The following UBL3 variants were observed in gnomAD, a reference collection of about 807,000 sequenced individuals.
The protein encoded by UBL3 is ubiquitin like 3, also known as ubiquitin-like protein 3.
Under a neutral mutation model 18.4 loss-of-function variants are expected in UBL3, and 6 were observed. That is an observed-to-expected ratio of 0.33 (90% confidence interval 0.18 to 0.64). The LOEUF (loss-of-function observed/expected upper bound fraction) is 0.64, where lower values mean the gene tolerates loss of function less well. UBL3 is among the 30% of genes least tolerant of loss of function. The pLI, the probability that UBL3 is intolerant of heterozygous loss-of-function variation, is 0.76. For synonymous variants in UBL3, 49 were observed against 46.6 expected (o/e 1.05, Z -0.21); for missense variants, 109 against 142.9 (o/e 0.76, Z 1.21).
At position 29,849,532 on chromosome 13, in the gene UBL3, T is replaced by C. The variant is rs774488539; in HGVS notation, c.7A>G (p.Ser3Gly). The change falls in exon 1 of 5, where the codon AGT becomes GGT. Residue 3 changes from serine (S) to glycine (G), a missense_variant. Ser to Gly is a moderately conservative substitution (Grantham distance 56). Coordinates refer to ENST00000380680, the MANE Select transcript of UBL3 (RefSeq NM_007106.4). MS[S>G]NVPADMINLR... ...CTTACCATATCCGCCGGGACATTAC[T>C]GGACATCTTGCCGTTTGATATACAC... is the stretch of plus-strand genomic sequence containing the variant. 1 of 1,614,060 alleles carries C rather than the reference T, an allele frequency of 6.2e-7. No individual in the cohort carries two copies. Among genetic ancestry groups the C allele is most frequent in the Non-Finnish European group, 8.5e-7 (1 of 1,180,030 alleles).
Position 29,766,937 on chromosome 13 carries a change from GA to G in UBL3, c.*317del. 1 of 220,724 alleles carries G rather than the reference GA, an allele frequency of 4.5e-6. No homozygotes were observed. The highest frequency in any genetic ancestry group is 8.9e-6 in the Non-Finnish European group (1 of 112,892). The allele number at this position is 220,724 out of a possible 1,614,324, so 13.7% of individuals were successfully genotyped here. Reference sequence around the variant, plus strand: ...CACTTGATTTATTAGTTCTGATGATGAAAATTTTGTGGCAGCAAAATGGTTT... The same window carrying G: ...CACTTGATTTATTAGTTCTGATGATGAAATTTTGTGGCAGCAAAATGGTTT... On this transcript the variant is annotated 3_prime_UTR_variant, in exon 5 of 5. Transcript: ENST00000380680.
At chr13:29,770,771 A>T (rs1232943370) in intron 3 of UBL3, among the ~76,000 whole-genome samples, 1 of 151,982 alleles carries the variant, frequency 6.6e-6, no homozygotes, top group Non-Finnish European at 1.5e-5. Flanking sequence ...CTAACAGTCA[A>T]TTCTTACATG....
intron 1 of UBL3, among the ~76,000 whole-genome samples, chr13:29,820,169 C>CTTTTTT (rs36050662): frequency 5.7e-5 from 6 of 104,962 alleles, no homozygotes; most frequent in Non-Finnish European, 7.2e-5. Context: ...CTCAGAGTTC[C>CTTTTTT]TTTTTTTTTT....
chr13:29,804,867 C>T (rs1877861803), intron 1 of UBL3, among the ~76,000 whole-genome samples: 1 of 152,132 alleles, frequency 6.6e-6, no homozygotes, highest in Admixed American at 6.6e-5. Context: ...TGATTTATAG[C>T]TATAAACAAC....
At chr13:29,769,158 T>C (rs1876770681) in intron 3 of UBL3, among the ~76,000 whole-genome samples, 1 of 152,086 alleles carries the variant, frequency 6.6e-6, no homozygotes, top group African/African-American at 2.4e-5. Context: ...CAGTATATAC[T>C]ACCATCATCA....
chr13:29,817,825 T>C (rs758612896), intron 1 of UBL3, among the ~76,000 whole-genome samples: 3 of 152,140 alleles, frequency 2.0e-5, no homozygotes, highest in Non-Finnish European at 4.4e-5. Flanking sequence ...GCTGGGTAAA[T>C]GGCAACCAGA....
At chr13:29,800,827 C>G (rs937922942) in intron 1 of UBL3, among the ~76,000 whole-genome samples, 4 of 152,178 alleles carry the variant, frequency 2.6e-5, no homozygotes, top group Non-Finnish European at 5.9e-5. Context: ...AGGGAGCAGA[C>G]AGCCATTTTT....
intron 1 of UBL3, 69 bp downstream of exon 1, chr13:29,849,443 G>A: frequency 6.2e-7 from 1 of 1,606,636 alleles, no homozygotes; most frequent in South Asian, 1.1e-5. Context: ...CCCCACGCCT[G>A]CCGTCTTTCC....
intron 1 of UBL3, among the ~76,000 whole-genome samples, chr13:29,789,696 C>T (rs1877432490): frequency 6.6e-6 from 1 of 152,176 alleles, no homozygotes. Flanking sequence ...AGTTTATTTG[C>T]TTTTTTTCAA....
chr13:29,828,817 T>C (rs560661486), intron 1 of UBL3, among the ~76,000 whole-genome samples: 1 of 152,356 alleles, frequency 6.6e-6, no homozygotes, highest in African/African-American at 2.4e-5. Context: ...TATCTACCTT[T>C]GGTCTTTGAC....
chr13:29,840,965 A>C (rs757631695), intron 1 of UBL3, among the ~76,000 whole-genome samples: 39 of 152,310 alleles, frequency 2.6e-4, no homozygotes, highest in Admixed American at 1.8e-3. Flanking sequence ...GCTTTAGGCT[A>C]AACTTGATTT....
At chr13:29,816,529 T>C (rs1878285971) in intron 1 of UBL3, among the ~76,000 whole-genome samples, 1 of 151,260 alleles carries the variant, frequency 6.6e-6, no homozygotes, top group East Asian at 1.9e-4. Flanking sequence ...GAGGACAAGG[T>C]AGGAGGATTG....
In UBL3 at chr13:29,787,061, T is replaced by C. The variant is rs189249957; in HGVS notation, c.28-9798A>G. On this transcript the variant is annotated intron_variant, in intron 1 of 4. Coordinates refer to ENST00000380680, the MANE Select transcript of UBL3 (RefSeq NM_007106.4). Reference sequence around the variant, plus strand: ...ATTATAGAAACCATTCAACTACTTATTAGCTAAAATATTTTTGGGGGAACA... The same window carrying C: ...ATTATAGAAACCATTCAACTACTTACTAGCTAAAATATTTTTGGGGGAACA... Among the ~76,000 whole-genome samples, 74 of 152,306 alleles carry C rather than the reference T, an allele frequency of 4.9e-4. No homozygotes were observed. In the East Asian group the frequency reaches 0.014, roughly 29 times the overall value.
chr13:29,839,973 A>G (rs1293573306), intron 1 of UBL3, among the ~76,000 whole-genome samples: 1 of 147,794 alleles, frequency 6.8e-6, no homozygotes, highest in Admixed American at 6.8e-5. Flanking sequence ...AAATAAGCTG[A>G]CAATTAATGA....
At chr13:29,799,106 T>C (rs571303685) in intron 1 of UBL3, among the ~76,000 whole-genome samples, 47 of 152,252 alleles carry the variant, frequency 3.1e-4, no homozygotes, top group African/African-American at 1.1e-3. Flanking sequence ...AATTCTTCAT[T>C]TGGGTAGTGG....
chr13:29,777,330 A>C (rs2139312072), intron 1 of UBL3, 67 bp from the exon 2 acceptor site: 1 of 1,288,600 alleles, frequency 7.8e-7, no homozygotes. Flanking sequence ...GAAGACTCAA[A>C]GGCTTTTCAT....
intron 1 of UBL3, among the ~76,000 whole-genome samples, chr13:29,819,494 A>G (rs563746952): frequency 6.6e-6 from 1 of 152,346 alleles, no homozygotes; most frequent in East Asian, 1.9e-4. Flanking sequence ...TACTTCTACA[A>G]AGCTGGAAAA....
At chr13:29,827,269 T>C (rs1212410125) in intron 1 of UBL3, among the ~76,000 whole-genome samples, 1 of 152,212 alleles carries the variant, frequency 6.6e-6, no homozygotes, top group African/African-American at 2.4e-5. Context: ...ATCTGTCTAA[T>C]GTTGACAGTG....
At chr13:29,808,918 G>GA (rs1005650614) in intron 1 of UBL3, among the ~76,000 whole-genome samples, 3 of 151,464 alleles carry the variant, frequency 2.0e-5, no homozygotes, top group African/African-American at 4.8e-5. Context: ...ACTTTTAATT[G>GA]AAAAAAAATT....
Sources: gnomAD v4.1 joint callset for allele counts (sites outside exome capture counted in the v4.1 genomes callset) on GRCh38, gnomAD v4.1.1 for gene constraint, MANE v1.5 for transcripts, NCBI Gene and HGNC (gene_info 2026-07-23, HGNC 2026-07-21) for gene names.